HNRNPLL: variants seen among roughly 807,000 people sequenced by gnomAD.
HNRNPLL encodes the protein heterogeneous nuclear ribonucleoprotein L like.
HNRNPLL carries 25 observed loss-of-function variants against 67.1 expected under a neutral mutation model. That is an observed-to-expected ratio of 0.37 (90% CI 0.27 to 0.52). The LOEUF (loss-of-function observed/expected upper bound fraction) is 0.52, where lower values mean the gene tolerates loss of function less well. Ranked by LOEUF, HNRNPLL falls within the 20% of genes least tolerant of loss-of-function variation. The pLI is 0.90. For synonymous variants in HNRNPLL, 267 were observed against 241.7 expected, an observed-to-expected ratio of 1.10 and a Z score of -0.97; for missense variants, 542 against 673.9, an observed-to-expected ratio of 0.80 and a Z score of 2.17.
chr2:38,602,083 G>GC, intron 1 of HNRNPLL: 1 of 272,550 alleles, frequency 3.7e-6, no homozygotes, highest in Non-Finnish European at 7.0e-6. Flanking sequence ...TGGTCCCGAC[G>GC]CTGGCCCCGA....
intron 6 of HNRNPLL, chr2:38,581,631 A>G (rs1295272651): frequency 2.0e-6 from 1 of 504,986 alleles, no homozygotes; most frequent in Non-Finnish European, 3.5e-6. Flanking sequence ...CCTCTCCTCC[A>G]AAGAGAGAGA....
At chr2:38,572,987 A>C (rs1186324128) in intron 8 of HNRNPLL, among the ~76,000 whole-genome samples, 1 of 151,966 alleles carries the variant, frequency 6.6e-6, no homozygotes, top group Admixed American at 6.6e-5. Flanking sequence ...TTCTTTTTAT[A>C]TTGGTTATTT....
chr2:38,600,581 A>T (rs956120579), intron 1 of HNRNPLL, among the ~76,000 whole-genome samples: 9 of 152,002 alleles, frequency 5.9e-5, no homozygotes, highest in Non-Finnish European at 1.3e-4. Flanking sequence ...CAGAAAAAAA[A>T]AATTGGCCCG....
intron 4 of HNRNPLL, among the ~76,000 whole-genome samples, 160 bp from the exon 5 acceptor site, chr2:38,582,328 G>GT (rs1462065704): frequency 1.3e-5 from 2 of 152,158 alleles, no homozygotes; most frequent in East Asian, 3.9e-4. Flanking sequence ...GTTTTGTTTT[G>GT]TTTTTGAGAC....
At chr2:38,575,295 G>T (rs989516682) in intron 7 of HNRNPLL, among the ~76,000 whole-genome samples, 2 of 151,720 alleles carry the variant, frequency 1.3e-5, no homozygotes, top group South Asian at 4.1e-4. Context: ...GAAAGTCTGG[G>T]TGTTTAAAAA....
chr2:38,582,697 A>T (rs1211004309), intron 4 of HNRNPLL, among the ~76,000 whole-genome samples: 1 of 152,084 alleles, frequency 6.6e-6, no homozygotes, highest in African/African-American at 2.4e-5. Flanking sequence ...AACCAGGTGA[A>T]CAGCCTGAGC....
rs1666174479 is a variant in HNRNPLL at position 38,573,439 on chromosome 2, A to G, written c.875-12T>C. ...TGGACCATGGGATCCTATAAAAATG[A>G]TCAAAATAAATAAATTAGTTAACAT... On this transcript the variant is annotated splice_polypyrimidine_tract_variant and intron_variant, in intron 7 of 12. Coordinates refer to ENST00000449105, the MANE Select transcript of HNRNPLL (RefSeq NM_138394.4). The G allele has an allele frequency of 6.5e-7, 1 of 1,537,956 alleles. No homozygotes were observed. The highest frequency in any genetic ancestry group is 8.9e-7 in the Non-Finnish European group (1 of 1,117,968).
intron 6 of HNRNPLL, chr2:38,578,109 C>T (rs556352913): frequency 5.1e-5 from 22 of 434,516 alleles, no homozygotes; most frequent in East Asian, 4.3e-4. Context: ...ATCACTGACT[C>T]ATATTATATC....
chr2:38,591,613 T>C lies in HNRNPLL; in HGVS notation c.225A>G (p.Ser75=). ...AGAGTCCTCGAACATGGACGACGGG[T>C]GAAACAGAAACTTTATGATGACTTC... ...AGGSHHKVSV[S]PVVHVRGLCE... is the part of the protein sequence containing the mutation. The change falls in exon 2 of 13, where the codon TCA becomes TCG. Residue 75 remains serine, a synonymous_variant. Coordinates refer to ENST00000449105, the MANE Select transcript of HNRNPLL (RefSeq NM_138394.4). 1 of 1,613,504 alleles carries C rather than the reference T, an allele frequency of 6.2e-7. No individual in the cohort carries two copies. The highest frequency in any genetic ancestry group is 8.5e-7 in the Non-Finnish European group (1 of 1,179,566).
intron 1 of HNRNPLL, among the ~76,000 whole-genome samples, chr2:38,598,470 T>C (rs1013251954): frequency 6.6e-6 from 1 of 152,244 alleles, no homozygotes; most frequent in Non-Finnish European, 1.5e-5. Context: ...TCCCTTTTTG[T>C]TTTCCTTAAG....
At position 38,569,875 on chromosome 2, in the gene HNRNPLL, A is replaced by G. The variant is rs761869097; in HGVS notation, c.1143T>C (p.Asp381=). 3.8e-6 allele frequency: 6 copies of G among 1,581,726 alleles called. No individual in the cohort carries two copies. Among genetic ancestry groups the G allele is most frequent in the Non-Finnish European group, 5.2e-6 (6 of 1,152,240 alleles). The part of the protein sequence containing the change: ...IPGTALVEMG[D]EYAVERAVTH... The stretch of plus-strand genomic sequence containing the variant: ...TGACAGCTCTTTCTACAGCATACTC[A>G]TCACCCATTTCTACCAGTGCTGTAC... The change falls in exon 9 of 13, where the codon GAT becomes GAC. Residue 381 remains aspartate (D), a synonymous_variant. Transcript: ENST00000449105.
intron 12 of HNRNPLL, among the ~76,000 whole-genome samples, chr2:38,567,724 A>T (rs1275451530): frequency 6.6e-6 from 1 of 152,148 alleles, no homozygotes; most frequent in Non-Finnish European, 1.5e-5. Context: ...GCCACTTCCA[A>T]TGTTAGGTTA....
At chr2:38,573,020 A>G (rs1666153254) in intron 8 of HNRNPLL, among the ~76,000 whole-genome samples, 190 bp downstream of exon 8, 1 of 152,032 alleles carries the variant, frequency 6.6e-6, no homozygotes, top group Non-Finnish European at 1.5e-5. Context: ...TAGTATCAAC[A>G]ACCTATACTT....
Position 38,602,574 on chromosome 2 carries a change from T to A in HNRNPLL, c.53A>T (p.Tyr18Phe). The change falls in exon 1 of 13, where the codon TAC (tyrosine) becomes TTC (phenylalanine). Residue 18 changes from tyrosine to phenylalanine, a missense_variant. By Grantham distance (22) the Tyr-to-Phe change is conservative. Transcript: ENST00000449105. ...CTTGAGACGCTTGGCCTGGCTCTCGTACTCCCGGTCCTCCTCGTACGTCTC... is the reference window on the plus strand; with the variant it reads ...CTTGAGACGCTTGGCCTGGCTCTCGAACTCCCGGTCCTCCTCGTACGTCTC... ...PRETYEEDRE[Y>F]ESQAKRLKTE... 6.4e-7 allele frequency: 1 copy of A among 1,573,850 alleles called. No individual in the cohort carries two copies. Among genetic ancestry groups the A allele is most frequent in the South Asian group, 1.2e-5 (1 of 85,672 alleles).
In HNRNPLL at chr2:38,602,636, C is replaced by T. The variant is rs898151551; in HGVS notation, c.-10G>A. The T allele has an allele frequency of 2.7e-6, 4 of 1,489,214 alleles. No homozygotes were observed. Among genetic ancestry groups the T allele is most frequent in the Admixed American group, 4.8e-5 (2 of 41,418 alleles). The allele number at this position is 1,489,214 out of a possible 1,614,324, so 92.3% of individuals were successfully genotyped here. ...AAGAGGAGGAGGACATGGCGGCGGC[C>T]GGAGGGACCGGCTGGCAGGCGGGTG... On this transcript the variant is annotated 5_prime_UTR_variant, in exon 1 of 13. Coordinates refer to ENST00000449105, the MANE Select transcript of HNRNPLL (RefSeq NM_138394.4).
At chr2:38,582,718 G>A (rs565548834) in intron 4 of HNRNPLL, among the ~76,000 whole-genome samples, 5 of 151,978 alleles carry the variant, frequency 3.3e-5, no homozygotes, top group Non-Finnish European at 5.9e-5. Context: ...TCAGGAGTTC[G>A]AGACCAGCCT....
At chr2:38,594,771 A>T (rs923739834) in intron 1 of HNRNPLL, among the ~76,000 whole-genome samples, 5 of 151,910 alleles carry the variant, frequency 3.3e-5, no homozygotes, top group African/African-American at 1.2e-4. Context: ...CCAACATGGC[A>T]AAACCCCATC....
In HNRNPLL at chr2:38,569,893, T is replaced by C. The variant is rs1284613929; in HGVS notation, c.1125A>G (p.Ala375=). The C allele has an allele frequency of 6.3e-7, 1 of 1,594,852 alleles. No homozygotes were observed. Among genetic ancestry groups the C allele is most frequent in the African/African-American group, 1.3e-5 (1 of 74,316 alleles). The change falls in exon 9 of 13, where the codon GCA becomes GCG. Residue 375 remains alanine (A), a synonymous_variant. Coordinates refer to ENST00000449105, the MANE Select transcript of HNRNPLL (RefSeq NM_138394.4). ...CATACTCATCACCCATTTCTACCAGTGCTGTACCAGGAATGGTCTTCATAA... is the reference window on the plus strand; with the variant it reads ...CATACTCATCACCCATTTCTACCAGCGCTGTACCAGGAATGGTCTTCATAA... ...VKFMKTIPGT[A]LVEMGDEYAV...
chr2:38,571,823 A>G (rs1310537467), intron 8 of HNRNPLL, among the ~76,000 whole-genome samples: 1 of 152,188 alleles, frequency 6.6e-6, no homozygotes, highest in Non-Finnish European at 1.5e-5. Flanking sequence ...TGCAAGATGT[A>G]GAGTGAAAGG....
Sources: gnomAD v4.1 joint callset for allele counts (sites outside exome capture counted in the v4.1 genomes callset) on GRCh38, gnomAD v4.1.1 for gene constraint, MANE v1.5 for transcripts, NCBI Gene and HGNC (gene_info 2026-07-23, HGNC 2026-07-21) for gene names.